Variants in CHEK1 observed in about 807,000 individuals in gnomAD.
The protein encoded by CHEK1 is checkpoint kinase 1, also known as serine/threonine-protein kinase Chk1.
In CHEK1, 32 loss-of-function variants were observed where a neutral mutation model predicts 60.2. That is an observed-to-expected ratio of 0.53 (90% CI 0.40 to 0.71). The LOEUF is 0.71. CHEK1 is among the 30% of genes least tolerant of loss of function. The pLI is 0.00. For missense variants in CHEK1, 399 were observed against 564.6 expected, an observed-to-expected ratio of 0.71 and a Z score of 2.97; for synonymous variants, 179 against 187.2, an observed-to-expected ratio of 0.96 and a Z score of 0.36.
chr11:125,674,939 C>T (rs1198432906), intron 13 of CHEK1, among the ~76,000 whole-genome samples: 5 of 152,160 alleles, frequency 3.3e-5, no homozygotes, highest in Admixed American at 6.5e-5. Context: ...GCTCTTTTTC[C>T]TATTTACATC....
chr11:125,672,611 A>C (rs1444077310), intron 13 of CHEK1: 1 of 1,614,006 alleles, frequency 6.2e-7, no homozygotes, highest in Non-Finnish European at 8.5e-7. Flanking sequence ...TATTGCAGAA[A>C]GATTGATTTC....
At chr11:125,668,003 A>T (rs1942128891) in intron 13 of CHEK1, among the ~76,000 whole-genome samples, 1 of 152,208 alleles carries the variant, frequency 6.6e-6, no homozygotes, top group Admixed American at 6.5e-5. Context: ...CCCATCATTA[A>T]GTCTCAGTTG....
At chr11:125,659,538 A>G (rs1380781286), downstream of CHEK1, among the ~76,000 whole-genome samples, 2 of 151,954 alleles carry the variant, frequency 1.3e-5, no homozygotes, top group Non-Finnish European at 2.9e-5. Flanking sequence ...ATCCAGCTCA[A>G]ATTTTTTTCT....
chr11:125,660,426 A>G (rs916387350), downstream of CHEK1, among the ~76,000 whole-genome samples: 1 of 152,048 alleles, frequency 6.6e-6, no homozygotes, highest in African/African-American at 2.4e-5. Context: ...GGGTCTCATT[A>G]TATTGCCTAG....
downstream of CHEK1, among the ~76,000 whole-genome samples, chr11:125,661,144 T>C (rs1942006772): frequency 6.6e-6 from 1 of 152,178 alleles, no homozygotes; most frequent in South Asian, 2.1e-4. Flanking sequence ...TTTAATTATC[T>C]TAAAAATCCA....
At chr11:125,660,558 G>A (rs545889888), downstream of CHEK1, among the ~76,000 whole-genome samples, 8 of 151,704 alleles carry the variant, frequency 5.3e-5, no homozygotes, top group African/African-American at 1.9e-4. Flanking sequence ...TACATTTTGG[G>A]ACTATTTCCT....
downstream of CHEK1, among the ~76,000 whole-genome samples, chr11:125,657,761 G>A (rs909234200): frequency 3.9e-5 from 6 of 152,054 alleles, no homozygotes; most frequent in African/African-American, 7.3e-5. Context: ...TGTACAGTTC[G>A]ATGCTATTAT....
chr11:125,675,426 T>A (rs966030915), intron 13 of CHEK1, among the ~76,000 whole-genome samples: 27 of 152,252 alleles, frequency 1.8e-4, no homozygotes, highest in Non-Finnish European at 2.5e-4. Context: ...TCATGGTATG[T>A]GTCATTAATG....
intron 11 of CHEK1, among the ~76,000 whole-genome samples, chr11:125,646,666 A>C (rs770338498): frequency 6.6e-6 from 1 of 151,982 alleles, no homozygotes; most frequent in Non-Finnish European, 1.5e-5. Flanking sequence ...TGGCCATCCT[A>C]GTGTGTATGA....
At chr11:125,657,885 CTGTTTTCTAAAGTGA>C (rs1941948097), downstream of CHEK1, among the ~76,000 whole-genome samples, 1 of 148,006 alleles carries the variant, frequency 6.8e-6, no homozygotes, top group Admixed American at 6.7e-5. Context: ...TAATGACAAA[CTGTTTTCTAAAGTGA>C]TTGTACAGAT....
At chr11:125,652,386 A>G (rs542426082) in intron 11 of CHEK1, among the ~76,000 whole-genome samples, 1 of 152,324 alleles carries the variant, frequency 6.6e-6, no homozygotes, top group African/African-American at 2.4e-5. Context: ...GACCTTTGCC[A>G]TCTTCTAATT....
intron 3 of CHEK1, among the ~76,000 whole-genome samples, chr11:125,628,703 T>C (rs1940729829): frequency 6.6e-6 from 1 of 152,090 alleles, no homozygotes; most frequent in Non-Finnish European, 1.5e-5. Context: ...TTGCTTGAGC[T>C]CAAGAGTTCC....
intron 13 of CHEK1, among the ~76,000 whole-genome samples, chr11:125,674,279 T>C (rs1942373892): frequency 6.6e-6 from 1 of 152,230 alleles, no homozygotes; most frequent in Non-Finnish European, 1.5e-5. Context: ...CCATGTTATA[T>C]GCTATGCTGG....
intron 13 of CHEK1, among the ~76,000 whole-genome samples, chr11:125,662,154 G>T (rs1203613603): frequency 6.6e-6 from 1 of 152,200 alleles, no homozygotes; most frequent in Non-Finnish European, 1.5e-5. Flanking sequence ...ACTGTAAACT[G>T]TGTGGCTTAT....
chr11:125,629,440 ATCT>A lies in CHEK1; in HGVS notation c.408_410del (p.Leu138del), dbSNP rs1450225826. 2 of 1,613,004 alleles carry A rather than the reference ATCT, an allele frequency of 1.2e-6. No individual in the cohort carries two copies. Among genetic ancestry groups the A allele is most frequent in the Admixed American group, 1.7e-5 (1 of 59,992 alleles). On this transcript the variant is annotated inframe_deletion, in exon 5 of 13. Coordinates refer to ENST00000438015, the MANE Select transcript of CHEK1 (RefSeq NM_001114122.3). ...ACTCACAGGGATATTAAACCAGAAA[ATCT>A]TCTGTTGGATGAAAGGGGTAAGTTT...
At chr11:125,661,891 A>G (rs1383303011), downstream of CHEK1, among the ~76,000 whole-genome samples, 1 of 152,224 alleles carries the variant, frequency 6.6e-6, no homozygotes, top group Non-Finnish European at 1.5e-5. Context: ...GTAAGAGTTA[A>G]TACTGAGACA....
downstream of CHEK1, among the ~76,000 whole-genome samples, chr11:125,677,006 G>T (rs1389745721): frequency 6.6e-6 from 1 of 152,100 alleles, no homozygotes; most frequent in Non-Finnish European, 1.5e-5. Flanking sequence ...CTTCCATGTT[G>T]CCTCTTTTAC....
At chr11:125,672,670 A>G in intron 13 of CHEK1, 1 of 1,614,172 alleles carries the variant, frequency 6.2e-7, no homozygotes, top group Non-Finnish European at 8.5e-7. Flanking sequence ...AGGTTCATAG[A>G]TGGGCACATG....
intron 11 of CHEK1, among the ~76,000 whole-genome samples, chr11:125,645,755 A>G (rs1389969718): frequency 1.3e-5 from 2 of 152,236 alleles, no homozygotes; most frequent in Admixed American, 1.3e-4. Context: ...AAGGGCAAAC[A>G]ACTACATAAA....
Sources: gnomAD v4.1 joint callset for allele counts (sites outside exome capture counted in the v4.1 genomes callset) on GRCh38, gnomAD v4.1.1 for gene constraint, MANE v1.5 for transcripts, NCBI Gene and HGNC (gene_info 2026-07-23, HGNC 2026-07-21) for gene names.